The following TCP11L2 variants were observed in gnomAD, a reference collection of about 807,000 sequenced individuals.
The protein encoded by TCP11L2 is T-complex protein 11-like protein 2.
TCP11L2 carries 39 observed loss-of-function variants against 50.7 expected under a neutral mutation model. That is an observed-to-expected ratio of 0.77 (90% confidence interval 0.60 to 1.01). The LOEUF is 1.01. Ranked by LOEUF, TCP11L2 falls within the 50% of genes least tolerant of loss-of-function variation. The pLI is 0.00. For synonymous variants in TCP11L2, 192 were observed against 219.3 expected, an observed-to-expected ratio of 0.88 and a Z score of 1.10; for missense variants, 612 against 614.7, an observed-to-expected ratio of 1.00 and a Z score of 0.05.
At chr12:106,333,318 T>C (rs1281002841) in intron 6 of TCP11L2, among the ~76,000 whole-genome samples, 3 of 152,210 alleles carry the variant, frequency 2.0e-5, no homozygotes, top group Admixed American at 6.5e-5. Flanking sequence ...AATTTAAAAG[T>C]TATTTTTAAA....
chr12:106,310,038 T>TA (rs2034791536), intron 1 of TCP11L2, among the ~76,000 whole-genome samples: 1 of 152,138 alleles, frequency 6.6e-6, no homozygotes, highest in Admixed American at 6.5e-5. Context: ...TGTCAGGTGA[T>TA]ACCATATTCA....
intron 9 of TCP11L2, among the ~76,000 whole-genome samples, chr12:106,345,835 C>T (rs535087643): frequency 6.6e-6 from 1 of 152,278 alleles, no homozygotes; most frequent in South Asian, 2.1e-4. Context: ...CTTTGCTGAT[C>T]CTGGCTGGAC....
chr12:106,339,139 C>T (rs375626383), intron 8 of TCP11L2, among the ~76,000 whole-genome samples: 3 of 151,696 alleles, frequency 2.0e-5, no homozygotes, highest in Admixed American at 6.6e-5. Context: ...AGTGAGACTC[C>T]GTCTCAAAAG....
chr12:106,311,681 G>T (rs997437377), intron 2 of TCP11L2, among the ~76,000 whole-genome samples: 1 of 152,152 alleles, frequency 6.6e-6, no homozygotes, highest in Non-Finnish European at 1.5e-5. Flanking sequence ...AAAAAATATT[G>T]TGCAAATCAC....
intron 4 of TCP11L2, among the ~76,000 whole-genome samples, chr12:106,319,140 T>G (rs950552925): frequency 1.3e-5 from 2 of 152,092 alleles, no homozygotes; most frequent in Non-Finnish European, 2.9e-5. Context: ...CTCGATCTCC[T>G]GACCTCATGA....
chr12:106,312,256 C>CTTTTTTTTTTTT (rs1565839680), intron 2 of TCP11L2: 1 of 310,264 alleles, frequency 3.2e-6, no homozygotes, highest in African/African-American at 3.7e-5. Context: ...ATTTAGTTTC[C>CTTTTTTTTTTTT]ATTTTTTTTT....
intron 9 of TCP11L2, among the ~76,000 whole-genome samples, chr12:106,343,618 T>C (rs1428322915): frequency 6.6e-6 from 1 of 152,078 alleles, no homozygotes; most frequent in Non-Finnish European, 1.5e-5. Flanking sequence ...GTAAAAATTA[T>C]GGATTACCTG....
intron 6 of TCP11L2, chr12:106,329,265 G>A: frequency 3.3e-6 from 5 of 1,528,766 alleles, no homozygotes; most frequent in Middle Eastern, 1.7e-4. Flanking sequence ...CTGGGACTGA[G>A]TAGGTGCCCA....
At chr12:106,300,570 T>C (rs1229200170), upstream of TCP11L2, among the ~76,000 whole-genome samples, 1 of 152,194 alleles carries the variant, frequency 6.6e-6, no homozygotes, top group African/African-American at 2.4e-5. Flanking sequence ...GACCTTGTGA[T>C]CCACCTGCCT....
intron 4 of TCP11L2, among the ~76,000 whole-genome samples, chr12:106,318,896 A>ATTTTTTTTTTTTTTTTTTT (rs1181792658): frequency 3.5e-5 from 3 of 85,498 alleles, no homozygotes; most frequent in East Asian, 6.0e-4. Flanking sequence ...ATTTTATTTT[A>ATTTTTTTTTTTTTTTTTTT]TTTTTTTTTT....
Position 106,323,656 on chromosome 12 carries a change from A to C in TCP11L2, c.772+10A>C. 6.8e-7 allele frequency: 1 copy of C among 1,470,000 alleles called. No individual in the cohort carries two copies. Among genetic ancestry groups the C allele is most frequent in the Non-Finnish European group, 9.1e-7 (1 of 1,096,404 alleles). 91.1% of individuals were successfully genotyped at this position (1,470,000 alleles called of 1,614,324 possible). On this transcript the variant is annotated intron_variant, in intron 6 of 9. Coordinates refer to ENST00000299045, the MANE Select transcript of TCP11L2 (RefSeq NM_152772.3). ...TTGGAAGAAACTCCAAGTGAGTATA[A>C]TATAATGTGTATTTATATTGAAATT... is the stretch of plus-strand genomic sequence containing the variant.
chr12:106,309,759 G>A (rs763376769), intron 1 of TCP11L2, among the ~76,000 whole-genome samples: 43 of 151,650 alleles, frequency 2.8e-4, no homozygotes, highest in Admixed American at 4.6e-4. Flanking sequence ...CACAAGAATA[G>A]GGCATTGTCT....
intron 8 of TCP11L2, among the ~76,000 whole-genome samples, chr12:106,336,741 C>A (rs577220184): frequency 9.2e-5 from 14 of 152,046 alleles, no homozygotes; most frequent in Middle Eastern, 6.8e-3. Flanking sequence ...TTAGTAGAGA[C>A]CGGGTTTCAC....
At position 106,311,194 on chromosome 12, in the gene TCP11L2, T is replaced by A; in HGVS notation, c.119T>A (p.Phe40Tyr). ...GACTATGAATGCTCCAGGCAGAGCT[T>A]TGCAAGTGACTCCTCCAGCAAATCC... ...LSDYECSRQS[F>Y]ASDSSSKSSS... The change falls in exon 2 of 10, where the codon TTT becomes TAT. Residue 40 changes from phenylalanine (F) to tyrosine (Y), a missense_variant. Transcript: ENST00000299045. 6.2e-7 allele frequency: 1 copy of A among 1,614,108 alleles called. No individual in the cohort carries two copies. The highest frequency in any genetic ancestry group is 8.5e-7 in the Non-Finnish European group (1 of 1,180,010).
At chr12:106,315,005 CAA>C (rs11450523) in intron 3 of TCP11L2, among the ~76,000 whole-genome samples, 17 of 125,990 alleles carry the variant, frequency 1.3e-4, no homozygotes, top group Admixed American at 8.2e-5. Flanking sequence ...GACCCTGTCT[CAA>C]AAAAAAAAAA....
rs533971528 is a variant in TCP11L2 at position 106,321,517 on chromosome 12, A to C, written c.446A>C (p.Asn149Thr). The C allele has an allele frequency of 8.1e-6, 13 of 1,614,166 alleles. 1 individual carries two copies. The South Asian group carries it at 1.3e-4, about 16-fold the overall frequency. ...CTCTCTTTTCTCACTCCCGGTGGCA[A>C]CCGGCTTCGCAACCAAATCTGTGAA... Reference protein sequence around the residue: ...ILLSFLTPGGNRLRNQICEVL... With the variant: ...ILLSFLTPGGTRLRNQICEVL... Residue 149 changes from asparagine to threonine, a missense_variant, in exon 5 of 10, where the codon AAC (asparagine) becomes ACC (threonine). Physicochemically the swap from Asn to Thr is moderately conservative, Grantham distance 65. Transcript: ENST00000299045.
At chr12:106,330,880 CTAA>C (rs2035725294) in intron 6 of TCP11L2, among the ~76,000 whole-genome samples, 1 of 152,088 alleles carries the variant, frequency 6.6e-6, no homozygotes, top group South Asian at 2.1e-4. Context: ...GGGAACTCTG[CTAA>C]TAATAACTAT....
intron 9 of TCP11L2, among the ~76,000 whole-genome samples, chr12:106,343,700 T>C (rs1592984696): frequency 6.6e-6 from 1 of 151,546 alleles, no homozygotes; most frequent in Admixed American, 6.6e-5. Flanking sequence ...TGTCGCCCAG[T>C]CTGGAGTGCA....
At chr12:106,310,755 A>G (rs192944334) in intron 1 of TCP11L2, among the ~76,000 whole-genome samples, 1 of 152,350 alleles carries the variant, frequency 6.6e-6, no homozygotes, top group Admixed American at 6.5e-5. Flanking sequence ...TGTGTCCTGC[A>G]TCTTTTTAAA....
Sources: gnomAD v4.1 joint callset for allele counts (sites outside exome capture counted in the v4.1 genomes callset) on GRCh38, gnomAD v4.1.1 for gene constraint, MANE v1.5 for transcripts, NCBI Gene and HGNC (gene_info 2026-07-23, HGNC 2026-07-21) for gene names.